Variants in SAMD3 observed in about 807,000 individuals in gnomAD.
The protein encoded by SAMD3 is sterile alpha motif domain-containing protein 3.
In SAMD3, 63 loss-of-function variants were observed where a neutral mutation model predicts 58.5. The ratio of observed to expected loss-of-function variants is 1.08; its 90% confidence interval spans 0.88 to 1.33. SAMD3 has a LOEUF of 1.33. Ranked by LOEUF, SAMD3 falls within the 40% of genes most tolerant of loss-of-function variation. SAMD3 has a pLI of 0.00. For missense variants in SAMD3, 604 were observed against 608.4 expected, an observed-to-expected ratio of 0.99 and a Z score of 0.08; for synonymous variants, 220 against 210.3, an observed-to-expected ratio of 1.05 and a Z score of -0.40.
chr6:130,350,178 C>G (rs1184670270), intron 1 of SAMD3, among the ~76,000 whole-genome samples: 1 of 152,172 alleles, frequency 6.6e-6, no homozygotes, highest in Non-Finnish European at 1.5e-5. Flanking sequence ...GGGATGCCCT[C>G]TCTCACCACT....
At chr6:130,332,597 T>C (rs1033762817) in intron 1 of SAMD3, among the ~76,000 whole-genome samples, 1 of 152,160 alleles carries the variant, frequency 6.6e-6, no homozygotes, top group Non-Finnish European at 1.5e-5. Context: ...AACAGAAAAG[T>C]GATGGTTGGA....
chr6:130,282,861 G>A (rs888251975), intron 2 of SAMD3, among the ~76,000 whole-genome samples: 3 of 152,172 alleles, frequency 2.0e-5, no homozygotes, highest in African/African-American at 4.8e-5. Context: ...CTTGGGGCAT[G>A]TAAAAGAAGC....
intron 2 of SAMD3, among the ~76,000 whole-genome samples, chr6:130,289,457 CA>C (rs1189266831): frequency 6.6e-6 from 1 of 151,348 alleles, no homozygotes; most frequent in Non-Finnish European, 1.5e-5. Context: ...TGATAAGCGG[CA>C]CTTATTTATT....
chr6:130,357,897 G>T (rs1169641576), intron 1 of SAMD3, among the ~76,000 whole-genome samples: 2 of 152,196 alleles, frequency 1.3e-5, no homozygotes, highest in African/African-American at 4.8e-5. Context: ...TTTTGTTTAA[G>T]TAAGTAATGA....
At chr6:130,351,366 CA>C (rs1777657908) in intron 1 of SAMD3, among the ~76,000 whole-genome samples, 1 of 151,840 alleles carries the variant, frequency 6.6e-6, no homozygotes, top group South Asian at 2.1e-4. Flanking sequence ...CAATGAACTC[CA>C]ACAAATTTAC....
chr6:130,270,646 A>C (rs906973325), intron 2 of SAMD3, among the ~76,000 whole-genome samples: 6 of 152,208 alleles, frequency 3.9e-5, no homozygotes, highest in Non-Finnish European at 8.8e-5. Context: ...TCAGAAAGTA[A>C]TCTCCCCAGA....
chr6:130,356,241 A>G (rs1049481773), intron 1 of SAMD3, among the ~76,000 whole-genome samples: 1 of 151,940 alleles, frequency 6.6e-6, no homozygotes, highest in African/African-American at 2.4e-5. Context: ...CCTTTTCCTC[A>G]TCTTCTCAGC....
chr6:130,223,867 C>G (rs770362479), upstream of SAMD3, among the ~76,000 whole-genome samples: 1 of 152,162 alleles, frequency 6.6e-6, no homozygotes, highest in East Asian at 1.9e-4. Context: ...CTTAGCCATC[C>G]GCAGGTGGCT....
chr6:130,316,286 CT>C (rs1160107703), intron 1 of SAMD3, among the ~76,000 whole-genome samples: 48 of 85,992 alleles, frequency 5.6e-4, no homozygotes, highest in Middle Eastern at 0.011. Context: ...GCAAGGCTGT[CT>C]TAAAAAAAAA....
intron 5 of SAMD3, among the ~76,000 whole-genome samples, chr6:130,207,186 A>G (rs1224820706): frequency 6.6e-6 from 1 of 151,776 alleles, no homozygotes; most frequent in Non-Finnish European, 1.5e-5. Context: ...AAAAAAGAAA[A>G]AGAAAAAAAA....
intron 1 of SAMD3, among the ~76,000 whole-genome samples, chr6:130,324,229 A>G (rs1776681457): frequency 6.6e-6 from 1 of 152,224 alleles, no homozygotes; most frequent in African/African-American, 2.4e-5. Flanking sequence ...GGCTTTTTAA[A>G]TTAGCAGTTA....
chr6:130,185,602 C>G (rs1214839048), intron 5 of SAMD3, among the ~76,000 whole-genome samples: 1 of 151,146 alleles, frequency 6.6e-6, no homozygotes, highest in African/African-American at 2.4e-5. Flanking sequence ...GCTGGGACTA[C>G]AGGCCTGAGC....
chr6:130,336,849 G>A (rs1236414207), intron 1 of SAMD3, among the ~76,000 whole-genome samples: 3 of 152,176 alleles, frequency 2.0e-5, no homozygotes, highest in Non-Finnish European at 4.4e-5. Flanking sequence ...GGTGGTCTTT[G>A]TAGAGGATCA....
rs116101774 is a variant in SAMD3 at position 130,312,347 on chromosome 6, C to T, written c.-188+631G>A. Among the ~76,000 whole-genome samples, 633 of 152,280 alleles carry T rather than the reference C, an allele frequency of 4.2e-3. 5 individuals carry two copies. The highest frequency in any genetic ancestry group is 0.014 in the African/African-American group (588 of 41,540). On this transcript the variant is annotated intron_variant, in intron 2 of 13. Coordinates refer to the SAMD3 transcript ENST00000368134. ...GAAATTTTAAAACAACAATGGGAGA[C>T]GAAAGGAAAGTAATGCATTGATTCC...
intron 2 of SAMD3, among the ~76,000 whole-genome samples, chr6:130,266,366 T>C (rs1373533797): frequency 6.6e-6 from 1 of 152,160 alleles, no homozygotes; most frequent in African/African-American, 2.4e-5. Flanking sequence ...CAAGAATTTG[T>C]ACCTATAAAC....
At chr6:130,221,068 A>G (rs1037606362) in intron 1 of SAMD3, among the ~76,000 whole-genome samples, 10 of 151,980 alleles carry the variant, frequency 6.6e-5, no homozygotes, top group Admixed American at 2.0e-4. Flanking sequence ...GTTAGCCAGG[A>G]TGGTCTCGAT....
At chr6:130,192,703 G>A (rs1427934246) in intron 5 of SAMD3, among the ~76,000 whole-genome samples, 4 of 152,246 alleles carry the variant, frequency 2.6e-5, no homozygotes, top group South Asian at 2.1e-4. Flanking sequence ...TCACACGGTC[G>A]CGCATGAAAT....
chr6:130,178,427 C>G (rs886838572), intron 7 of SAMD3, among the ~76,000 whole-genome samples: 4 of 151,726 alleles, frequency 2.6e-5, no homozygotes, highest in African/African-American at 4.8e-5. Flanking sequence ...GTGTTTCCCT[C>G]GAGCCCTGGC....
In SAMD3 at chr6:130,236,039, T is replaced by A. The variant is rs572531231; in HGVS notation, c.-187-13226A>T. Among the ~76,000 whole-genome samples the A allele has an allele frequency of 2.0e-5, 3 of 152,300 alleles. No individual in the cohort carries two copies. The South Asian group carries it at 6.2e-4, about 32-fold the overall frequency. ...CATAACCTAAACAATTATTAAATCA[T>A]TAGATTTTAATAATACTTTCAAGAT... On this transcript the variant is annotated intron_variant, in intron 2 of 13. Transcript: ENST00000368134.
Sources: gnomAD v4.1 joint callset for allele counts (sites outside exome capture counted in the v4.1 genomes callset) on GRCh38, gnomAD v4.1.1 for gene constraint, MANE v1.5 for transcripts, NCBI Gene and HGNC (gene_info 2026-07-23, HGNC 2026-07-21) for gene names.